The following SLC4A4 variants were observed in gnomAD, a reference collection of about 807,000 sequenced individuals.
The protein encoded by SLC4A4 is solute carrier family 4 member 4, also known as electrogenic sodium bicarbonate cotransporter 1.
Under a neutral mutation model 111.5 loss-of-function variants are expected in SLC4A4, and 27 were observed. The ratio of observed to expected loss-of-function variants is 0.24; its 90% confidence interval spans 0.18 to 0.33. The LOEUF (loss-of-function observed/expected upper bound fraction) is 0.33. SLC4A4 is among the 10% of genes least tolerant of loss of function. SLC4A4 has a pLI of 1.00. For missense variants in SLC4A4, 909 were observed against 1,315.5 expected (o/e 0.69, Z 4.78); for synonymous variants, 443 against 463.4 (o/e 0.96, Z 0.57).
intron 2 of SLC4A4, among the ~76,000 whole-genome samples, chr4:71,134,494 T>C (rs2148963122): frequency 6.6e-6 from 1 of 152,376 alleles, no homozygotes. Flanking sequence ...ACATTGTTTC[T>C]GTATCCTCAT....
At chr4:71,203,568 G>A (rs1207575667) in intron 1 of SLC4A4, among the ~76,000 whole-genome samples, 2 of 152,088 alleles carry the variant, frequency 1.3e-5, no homozygotes, top group Non-Finnish European at 2.9e-5. Context: ...CATGCATGTA[G>A]GTAGGTTTTT....
chr4:71,350,185 A>AAC, intron 5 of SLC4A4, 113 bp downstream of exon 5: 2 of 1,086,820 alleles, frequency 1.8e-6, no homozygotes, highest in Non-Finnish European at 2.8e-6. Context: ...TATAACATTT[A>AAC]TTCTCTCTTT....
intron 18 of SLC4A4, among the ~76,000 whole-genome samples, chr4:71,539,872 C>T (rs759034303): frequency 6.6e-6 from 1 of 152,268 alleles, no homozygotes; most frequent in Non-Finnish European, 1.5e-5. Flanking sequence ...CTTTGGCCCA[C>T]ATGGCTCTCA....
chr4:71,295,787 T>C (rs746846775), intron 3 of SLC4A4, among the ~76,000 whole-genome samples: 1 of 151,964 alleles, frequency 6.6e-6, no homozygotes, highest in Non-Finnish European at 1.5e-5. Context: ...GCCTCCAGAG[T>C]AGCTGGGATT....
intron 3 of SLC4A4, among the ~76,000 whole-genome samples, chr4:71,291,680 C>G (rs1406418806): frequency 6.6e-6 from 1 of 152,124 alleles, no homozygotes; most frequent in Non-Finnish European, 1.5e-5. Flanking sequence ...CATAGGCACC[C>G]CAAAAGGGTC....
intron 16 of SLC4A4, among the ~76,000 whole-genome samples, chr4:71,503,027 A>G (rs1157649689): frequency 6.6e-6 from 1 of 152,162 alleles, no homozygotes; most frequent in East Asian, 1.9e-4. Flanking sequence ...AGGTGCATAT[A>G]GATTTATAAT....
chr4:71,264,862 G>A (rs1722120024), intron 3 of SLC4A4, among the ~76,000 whole-genome samples: 2 of 152,136 alleles, frequency 1.3e-5, no homozygotes, highest in South Asian at 2.1e-4. Flanking sequence ...TAGGTTTTGA[G>A]CAAAAGATAC....
Position 71,555,325 on chromosome 4 carries a change from G to A in SLC4A4, c.2763+117G>A, listed in dbSNP as rs1736377701. On this transcript the variant is annotated intron_variant, in intron 21 of 25. Coordinates refer to ENST00000264485, the MANE Select transcript of SLC4A4 (RefSeq NM_001098484.3). ...TTATTAACTGCTGAGTTTTTAAAAT[G>A]CATTTATTTTCTACTTCACCATTCA... The A allele has an allele frequency of 3.8e-6, 3 of 784,142 alleles. No homozygotes were observed. In the African/African-American group the frequency reaches 5.1e-5, roughly 13 times the overall value. 48.6% of individuals were successfully genotyped at this position (784,142 alleles called of 1,614,324 possible). A position where few individuals can be genotyped will look rare whatever the true frequency, so the allele number is the denominator to read the frequency against.
intron 1 of SLC4A4, among the ~76,000 whole-genome samples, chr4:71,203,903 AT>A (rs1746365030): frequency 6.8e-6 from 1 of 147,008 alleles, no homozygotes; most frequent in East Asian, 1.9e-4. Context: ...TACATGTGAC[AT>A]GTTTAGTAAA....
intron 16 of SLC4A4, among the ~76,000 whole-genome samples, chr4:71,531,576 T>G (rs1029459197): frequency 6.6e-6 from 1 of 152,106 alleles, no homozygotes; most frequent in Non-Finnish European, 1.5e-5. Flanking sequence ...ATGAGATTTA[T>G]CTTACTCTGT....
At chr4:71,179,313 C>G (rs948904206) in intron 2 of SLC4A4, among the ~76,000 whole-genome samples, 18 of 152,292 alleles carry the variant, frequency 1.2e-4, no homozygotes, top group African/African-American at 4.3e-4. Flanking sequence ...GATGCCCTCT[C>G]TCACCACTCC....
At chr4:71,313,157 A>G (rs1046868639) in intron 3 of SLC4A4, among the ~76,000 whole-genome samples, 13 of 152,234 alleles carry the variant, frequency 8.5e-5, no homozygotes, top group Non-Finnish European at 1.9e-4. Flanking sequence ...GAGTCAAATC[A>G]TGAGTGAACT....
upstream of SLC4A4, among the ~76,000 whole-genome samples, chr4:71,184,047 T>C (rs756908963): frequency 5.3e-5 from 8 of 152,224 alleles, no homozygotes; most frequent in Non-Finnish European, 8.8e-5. Context: ...CTGCTCTTTG[T>C]TGAACACAGT....
chr4:71,505,154 A>G (rs957841647), intron 16 of SLC4A4, among the ~76,000 whole-genome samples: 2 of 152,118 alleles, frequency 1.3e-5, no homozygotes, highest in Non-Finnish European at 2.9e-5. Context: ...GGTTGATTCC[A>G]TGCCTTTGAT....
intron 1 of SLC4A4, among the ~76,000 whole-genome samples, chr4:71,090,526 A>G (rs1433123137): frequency 6.6e-6 from 1 of 152,192 alleles, no homozygotes; most frequent in African/African-American, 2.4e-5. Context: ...ATAAAAATGT[A>G]TGTGTTAAGA....
At chr4:71,089,138 TTTCA>T (rs1205944826) in intron 1 of SLC4A4, among the ~76,000 whole-genome samples, 1 of 151,816 alleles carries the variant, frequency 6.6e-6, no homozygotes, top group African/African-American at 2.4e-5. Flanking sequence ...TCTCACTTCA[TTTCA>T]TTCATTTGAT....
chr4:71,385,359 C>T (rs112892484), intron 6 of SLC4A4, among the ~76,000 whole-genome samples: 2,683 of 151,112 alleles, frequency 0.018, 79 homozygotes, highest in African/African-American at 0.061. Context: ...CCATCCGACC[C>T]GGCTAATTTT....
intron 2 of SLC4A4, among the ~76,000 whole-genome samples, chr4:71,253,218 C>G (rs950451945): frequency 1.2e-4 from 19 of 152,130 alleles, no homozygotes; most frequent in Admixed American, 4.6e-4. Flanking sequence ...ATGGCTCACT[C>G]TCTGAACTGG....
chr4:71,511,898 A>G (rs1731960524), intron 16 of SLC4A4, among the ~76,000 whole-genome samples: 1 of 152,182 alleles, frequency 6.6e-6, no homozygotes, highest in Admixed American at 6.5e-5. Flanking sequence ...TTATTTCACT[A>G]AACACAATGA....
Sources: gnomAD v4.1 joint callset for allele counts (sites outside exome capture counted in the v4.1 genomes callset) on GRCh38, gnomAD v4.1.1 for gene constraint, MANE v1.5 for transcripts, NCBI Gene and HGNC (gene_info 2026-07-23, HGNC 2026-07-21) for gene names.